Variants in ADCY9 observed in about 807,000 individuals in gnomAD.
ADCY9 encodes the protein adenylate cyclase 9.
ADCY9 carries 50 observed loss-of-function variants against 101.5 expected under a neutral mutation model. That is an observed-to-expected ratio of 0.49 (90% CI 0.39 to 0.62). The LOEUF (loss-of-function observed/expected upper bound fraction) is 0.62. ADCY9 is among the 20% of genes least tolerant of loss of function. The pLI, the probability that ADCY9 is intolerant of heterozygous loss-of-function variation, is 0.00. For synonymous variants in ADCY9, 905 were observed against 769.3 expected (o/e 1.18, Z -2.92); for missense variants, 1,662 against 1,800.4 (o/e 0.92, Z 1.39).
At position 4,114,053 on chromosome 16, in the gene ADCY9, C is replaced by G. The variant is rs1279775912; in HGVS notation, c.1390G>C (p.Glu464Gln). The G allele has an allele frequency of 6.2e-7, 1 of 1,613,854 alleles. No individual in the cohort carries two copies. The highest frequency in any genetic ancestry group is 1.1e-5 in the South Asian group (1 of 91,086). Reference sequence around the variant, plus strand: ...GCCTTGATCATGCCCAGGCCCATCTCGATGCAGCAGTAGGCATGGTCGGCC... The same window carrying G: ...GCCTTGATCATGCCCAGGCCCATCTGGATGCAGCAGTAGGCATGGTCGGCC... ...PRADHAYCCI[E>Q]MGLGMIKAIE... is the part of the protein sequence containing the mutation. Residue 464 changes from glutamate to glutamine, a missense_variant, in exon 2 of 11, where the codon GAG becomes CAG. Glu to Gln is a conservative substitution (Grantham distance 29). Coordinates refer to ENST00000294016, the MANE Select transcript of ADCY9 (RefSeq NM_001116.4). This position sits in a 1 kb window ranked among gnomAD's most constrained non-coding sequence, Gnocchi z 4.3.
Position 3,979,287 on chromosome 16 carries a change from A to G in ADCY9, c.2520-12T>C, listed in dbSNP as rs1046945948. On this transcript the variant is annotated splice_polypyrimidine_tract_variant and intron_variant, in intron 7 of 10. Transcript: ENST00000294016. ...GGAAGAACACCATCCTGCGAGAGGC[A>G]TGGGGGTTAGCAGGAGCGACGGGGC... 2 of 1,613,064 alleles carry G rather than the reference A, an allele frequency of 1.2e-6. No individual in the cohort carries two copies. Among genetic ancestry groups the G allele is most frequent in the Non-Finnish European group, 1.7e-6 (2 of 1,179,712 alleles).
chr16:4,096,382 GATTAA>G (rs1233727574), intron 2 of ADCY9, among the ~76,000 whole-genome samples: 3 of 152,188 alleles, frequency 2.0e-5, no homozygotes, highest in African/African-American at 7.2e-5. Context: ...GAACCAGAGA[GATTAA>G]ATTATTTGCC....
At chr16:4,015,263 C>T (rs1015094866) in intron 2 of ADCY9, among the ~76,000 whole-genome samples, 11 of 151,946 alleles carry the variant, frequency 7.2e-5, no homozygotes, top group Non-Finnish European at 1.6e-4. Context: ...TTCTGTATTC[C>T]GAGTTAATAA....
intron 2 of ADCY9, among the ~76,000 whole-genome samples, chr16:4,023,144 T>C (rs1023642129): frequency 1.3e-5 from 2 of 152,192 alleles, no homozygotes; most frequent in African/African-American, 4.8e-5. Context: ...TTTCTTCACA[T>C]AATAAGAAAC....
At chr16:3,987,271 T>C (rs557044687) in intron 6 of ADCY9, among the ~76,000 whole-genome samples, 94 of 152,204 alleles carry the variant, frequency 6.2e-4, no homozygotes, top group African/African-American at 2.2e-3. Flanking sequence ...GCCACGTCTT[T>C]CCCCCTTCCC....
At chr16:4,008,441 C>A (rs747542327) in intron 2 of ADCY9, among the ~76,000 whole-genome samples, 3 of 152,126 alleles carry the variant, frequency 2.0e-5, no homozygotes, top group African/African-American at 7.2e-5. Flanking sequence ...TTTGACTTCA[C>A]TGGAATTTAA....
chr16:4,084,187 C>T lies in ADCY9; in HGVS notation c.1693+29563G>A, dbSNP rs372596281. Among the ~76,000 whole-genome samples, 15 of 152,252 alleles carry T rather than the reference C, an allele frequency of 9.9e-5. No homozygotes were observed. In the East Asian group the frequency reaches 2.9e-3, roughly 30 times the overall value. On this transcript the variant is annotated intron_variant, in intron 2 of 10. Coordinates refer to ENST00000294016, the MANE Select transcript of ADCY9 (RefSeq NM_001116.4). The stretch of plus-strand genomic sequence containing the variant: ...AATGCAGTGGCACAATCTCGGCTCA[C>T]AGCAACCTCCGCCTCCTGGGTTCAA...
At chr16:4,001,773 G>A (rs139233177) in intron 3 of ADCY9, among the ~76,000 whole-genome samples, 13 of 146,456 alleles carry the variant, frequency 8.9e-5, no homozygotes, top group African/African-American at 3.0e-4. Context: ...TTTTTGAGAT[G>A]GAATCTCACT....
chr16:4,046,855 T>A (rs188237268), intron 2 of ADCY9, among the ~76,000 whole-genome samples: 3,142 of 152,072 alleles, frequency 0.021, 115 homozygotes, highest in African/African-American at 0.073. Flanking sequence ...AAGTTTTTTT[T>A]TTAAATTATC....
chr16:4,026,553 C>T lies in ADCY9; in HGVS notation c.1694-18995G>A, dbSNP rs191247947. Among the ~76,000 whole-genome samples the T allele has an allele frequency of 1.1e-3, 166 of 152,148 alleles. 1 individual carries two copies. Among genetic ancestry groups the T allele is most frequent in the Non-Finnish European group, 1.5e-3 (104 of 68,028 alleles). ...AAACGCTGTACGCAAATGTTTGTAGCGGCACTATTCATAATTGCCAAAACC... is the reference window on the plus strand; with the variant it reads ...AAACGCTGTACGCAAATGTTTGTAGTGGCACTATTCATAATTGCCAAAACC... On this transcript the variant is annotated intron_variant, in intron 2 of 10. Coordinates refer to ENST00000294016, the MANE Select transcript of ADCY9 (RefSeq NM_001116.4).
At chr16:4,059,377 T>A (rs778874582) in intron 2 of ADCY9, among the ~76,000 whole-genome samples, 2,100 of 39,030 alleles carry the variant, frequency 0.054, 45 homozygotes, top group Middle Eastern at 0.1. Context: ...CGAGAATCCA[T>A]CGAAAAAAAA....
At chr16:4,030,473 G>A (rs376514175) in intron 2 of ADCY9, among the ~76,000 whole-genome samples, 30 of 152,062 alleles carry the variant, frequency 2.0e-4, no homozygotes, top group Non-Finnish European at 1.0e-4. Context: ...AGGCCTAGGC[G>A]GGTGGATTAC....
chr16:4,024,289 G>A (rs182983301), intron 2 of ADCY9, among the ~76,000 whole-genome samples: 32 of 152,096 alleles, frequency 2.1e-4, no homozygotes, highest in African/African-American at 6.0e-4. Flanking sequence ...CCAAAGTGCC[G>A]GGATTATAGG....
intron 2 of ADCY9, among the ~76,000 whole-genome samples, chr16:4,056,520 C>G (rs188384250): frequency 4.5e-4 from 69 of 152,338 alleles, no homozygotes; most frequent in Admixed American, 4.5e-3. Flanking sequence ...TCCCAGAGTG[C>G]TGGGATTACA....
At chr16:3,967,909 G>A in intron 10 of ADCY9, among the ~76,000 whole-genome samples, 1 of 151,846 alleles carries the variant, frequency 6.6e-6, no homozygotes, top group East Asian at 1.9e-4. Context: ...TGTTGGCCAG[G>A]CTGGTCTCAA....
rs780167949 is a variant in ADCY9 at position 4,098,823 on chromosome 16, C to T, written c.1693+14927G>A. Among the ~76,000 whole-genome samples, 105 of 152,248 alleles carry T rather than the reference C, an allele frequency of 6.9e-4. 1 individual carries two copies. The highest frequency in any genetic ancestry group is 5.4e-3 in the Admixed American group (83 of 15,286). Reference sequence around the variant, plus strand: ...TAGAGTTGGGCCTTCTAGAACATTCCGCAGCTGTCCTGGGGGATGGAGTTT... The same window carrying T: ...TAGAGTTGGGCCTTCTAGAACATTCTGCAGCTGTCCTGGGGGATGGAGTTT... On this transcript the variant is annotated intron_variant, in intron 2 of 10. Transcript: ENST00000294016.
At chr16:3,997,207 GC>G (rs966681034) in intron 3 of ADCY9, among the ~76,000 whole-genome samples, 1 of 152,162 alleles carries the variant, frequency 6.6e-6, no homozygotes, top group African/African-American at 2.4e-5. Flanking sequence ...CTTCTTCAGT[GC>G]CCCCCACGGC....
chr16:4,028,007 A>G (rs955634791), intron 2 of ADCY9, among the ~76,000 whole-genome samples: 20 of 152,084 alleles, frequency 1.3e-4, no homozygotes, highest in Admixed American at 5.2e-4. Flanking sequence ...AACATGTGGG[A>G]ATTGTGGGAG....
intron 5 of ADCY9, among the ~76,000 whole-genome samples, chr16:3,954,588 A>C (rs2055897880): frequency 6.6e-6 from 1 of 152,182 alleles, no homozygotes; most frequent in Admixed American, 6.5e-5. Flanking sequence ...GGTCCAGACC[A>C]GGAAAAGCGT....
Sources: gnomAD v4.1 joint callset for allele counts (sites outside exome capture counted in the v4.1 genomes callset) on GRCh38, gnomAD v4.1.1 for gene constraint, Gnocchi (gnomAD v3.1) non-coding constraint, MANE v1.5 for transcripts, NCBI Gene and HGNC (gene_info 2026-07-23, HGNC 2026-07-21) for gene names.